Variants in SLC7A14 observed in about 807,000 individuals in gnomAD.
SLC7A14 encodes the protein solute carrier family 7 member 14.
SLC7A14 carries 37 observed loss-of-function variants against 60.2 expected under a neutral mutation model. The observed-to-expected ratio is 0.61, with a 90% CI of 0.47 to 0.81. The LOEUF (loss-of-function observed/expected upper bound fraction) is 0.81. Among genes scored for constraint, SLC7A14 ranks in the 30% least tolerant of loss-of-function variants. The probability of loss-of-function intolerance (pLI) is 0.00; values close to 1 mark genes in which losing one functional copy is unlikely to be tolerated. For synonymous variants in SLC7A14, 399 were observed against 395.8 expected, an observed-to-expected ratio of 1.01 and a Z score of -0.10; for missense variants, 886 against 982.7, an observed-to-expected ratio of 0.90 and a Z score of 1.32.
chr3:170,531,098 A>C (rs765239684), intron 1 of SLC7A14, among the ~76,000 whole-genome samples: 1 of 152,194 alleles, frequency 6.6e-6, no homozygotes, highest in Non-Finnish European at 1.5e-5. Flanking sequence ...GCCTATATAC[A>C]GGGGTTCTTT....
chr3:170,582,179 A>G (rs945701680), intron 1 of SLC7A14, among the ~76,000 whole-genome samples: 1 of 152,200 alleles, frequency 6.6e-6, no homozygotes, highest in Non-Finnish European at 1.5e-5. Context: ...TGTATTAGGC[A>G]TAAGTGGCTT....
At chr3:170,510,371 C>T (rs1284978159) in intron 2 of SLC7A14, among the ~76,000 whole-genome samples, 2 of 123,430 alleles carry the variant, frequency 1.6e-5, no homozygotes, top group African/African-American at 6.0e-5. Context: ...GCCTCAGTGA[C>T]AGAGCAAGAC....
At chr3:170,546,342 G>A (rs1577552470) in intron 1 of SLC7A14, among the ~76,000 whole-genome samples, 1 of 152,240 alleles carries the variant, frequency 6.6e-6, no homozygotes, top group Admixed American at 6.5e-5. Flanking sequence ...CAGAGAAAGG[G>A]CATTTGTGTT....
chr3:170,543,563 C>A (rs1469815308), intron 1 of SLC7A14, among the ~76,000 whole-genome samples: 1 of 151,536 alleles, frequency 6.6e-6, no homozygotes, highest in South Asian at 2.1e-4. Flanking sequence ...GCAGGAGAAT[C>A]GCTTGAACCC....
At chr3:170,568,218 T>C (rs2108313705) in intron 1 of SLC7A14, among the ~76,000 whole-genome samples, 1 of 152,320 alleles carries the variant, frequency 6.6e-6, no homozygotes, top group Middle Eastern at 3.4e-3. Context: ...GTTTCAGCTT[T>C]CTACATATGG....
intron 1 of SLC7A14, among the ~76,000 whole-genome samples, chr3:170,560,287 GGAAA>G (rs1264712482): frequency 2.0e-5 from 3 of 151,818 alleles, no homozygotes; most frequent in South Asian, 2.1e-4. Context: ...GATAGGGGGA[GGAAA>G]GAAAGAAAGA....
intron 1 of SLC7A14, among the ~76,000 whole-genome samples, chr3:170,534,542 G>A (rs1182047945): frequency 6.6e-6 from 1 of 152,122 alleles, no homozygotes; most frequent in African/African-American, 2.4e-5. Context: ...TATGCACTAG[G>A]CAAAGCAATT....
intron 2 of SLC7A14, among the ~76,000 whole-genome samples, chr3:170,504,131 G>A (rs1046599006): frequency 2.6e-5 from 4 of 152,140 alleles, no homozygotes; most frequent in African/African-American, 9.7e-5. Context: ...GGGTACTAGA[G>A]AGCATCTAGC....
chr3:170,525,931 C>G (rs1295319106), intron 2 of SLC7A14, among the ~76,000 whole-genome samples: 2 of 152,060 alleles, frequency 1.3e-5, no homozygotes, highest in African/African-American at 2.4e-5. Context: ...ATTAGCCAGG[C>G]GTTGTGGTAC....
intron 4 of SLC7A14, among the ~76,000 whole-genome samples, chr3:170,489,545 C>T (rs1712147215): frequency 6.6e-6 from 1 of 152,184 alleles, no homozygotes; most frequent in Non-Finnish European, 1.5e-5. Flanking sequence ...TCTCAAACAA[C>T]TGAAAATTGG....
chr3:170,509,653 T>C (rs1712903901), intron 2 of SLC7A14, among the ~76,000 whole-genome samples: 1 of 149,556 alleles, frequency 6.7e-6, no homozygotes, highest in South Asian at 2.1e-4. Flanking sequence ...CTACTAAAAA[T>C]ACAAAAATTA....
intron 1 of SLC7A14, among the ~76,000 whole-genome samples, chr3:170,538,602 A>G (rs1483364789): frequency 6.6e-6 from 1 of 152,072 alleles, no homozygotes; most frequent in African/African-American, 2.4e-5. Context: ...ACCCAGCCTC[A>G]CTCTACTCTT....
intron 1 of SLC7A14, among the ~76,000 whole-genome samples, chr3:170,528,963 T>C (rs1713593069): frequency 6.6e-6 from 1 of 152,232 alleles, no homozygotes. Flanking sequence ...GGCGTGAGGC[T>C]TGTAGATGCA....
intron 1 of SLC7A14, among the ~76,000 whole-genome samples, chr3:170,575,478 T>C (rs1715065377): frequency 6.6e-6 from 1 of 152,216 alleles, no homozygotes; most frequent in Non-Finnish European, 1.5e-5. Context: ...GAGCTCAGAA[T>C]GTAGAAGCAG....
At chr3:170,475,244 T>C (rs549541534) in intron 7 of SLC7A14, among the ~76,000 whole-genome samples, 12 of 152,352 alleles carry the variant, frequency 7.9e-5, no homozygotes, top group East Asian at 1.9e-4. Flanking sequence ...CAAAACATTG[T>C]TACAAAAATG....
At chr3:170,477,531 A>G (rs1296920727) in intron 7 of SLC7A14, among the ~76,000 whole-genome samples, 1 of 152,256 alleles carries the variant, frequency 6.6e-6, no homozygotes, top group African/African-American at 2.4e-5. Flanking sequence ...AGCCCTCAGA[A>G]TAATGGCTGA....
intron 1 of SLC7A14, among the ~76,000 whole-genome samples, chr3:170,551,047 CT>C (rs1714334387): frequency 6.6e-6 from 1 of 152,256 alleles, no homozygotes; most frequent in Admixed American, 6.5e-5. Flanking sequence ...AGCAGTTACT[CT>C]CCATTGCTCC....
At chr3:170,476,708 T>C (rs980996502) in intron 7 of SLC7A14, 4 of 152,230 alleles carry the variant, frequency 2.6e-5, no homozygotes, top group African/African-American at 9.6e-5. Context: ...TCTCAACATT[T>C]TCTCATTTAA....
intron 1 of SLC7A14, among the ~76,000 whole-genome samples, chr3:170,554,660 T>G (rs900764204): frequency 6.6e-6 from 1 of 152,202 alleles, no homozygotes. Context: ...TTCCTCCCTA[T>G]TCTCTGCCCC....
Sources: gnomAD v4.1 joint callset for allele counts (sites outside exome capture counted in the v4.1 genomes callset) on GRCh38, gnomAD v4.1.1 for gene constraint, MANE v1.5 for transcripts, NCBI Gene and HGNC (gene_info 2026-07-23, HGNC 2026-07-21) for gene names.